Variants in PLCH1 observed in about 807,000 individuals in gnomAD.
PLCH1 encodes the protein 1-phosphatidylinositol 4,5-bisphosphate phosphodiesterase eta-1.
In PLCH1, 60 loss-of-function variants were observed where a neutral mutation model predicts 126.7. The ratio of observed to expected loss-of-function variants is 0.47; its 90% CI spans 0.38 to 0.59. The LOEUF is 0.59. Ranked by LOEUF, PLCH1 falls within the 20% of genes least tolerant of loss-of-function variation. PLCH1 has a pLI of 0.00. For missense variants in PLCH1, 1,723 were observed against 2,040.0 expected, an observed-to-expected ratio of 0.84 and a Z score of 2.99; for synonymous variants, 719 against 734.9, an observed-to-expected ratio of 0.98 and a Z score of 0.35.
chr3:155,585,287 C>T (rs771731166), intron 5 of PLCH1, among the ~76,000 whole-genome samples: 1 of 152,142 alleles, frequency 6.6e-6, no homozygotes, highest in Non-Finnish European at 1.5e-5. Context: ...CATTAAACAT[C>T]ATATTGCCCT....
At chr3:155,514,564 A>G (rs1339306407) in intron 12 of PLCH1, among the ~76,000 whole-genome samples, 159 bp downstream of exon 12, 3 of 152,206 alleles carry the variant, frequency 2.0e-5, no homozygotes. Flanking sequence ...ACTTTTAACT[A>G]TTTCTCATAT....
At chr3:155,546,564 A>G (rs1460900715) in intron 10 of PLCH1, among the ~76,000 whole-genome samples, 1 of 152,242 alleles carries the variant, frequency 6.6e-6, no homozygotes, top group Non-Finnish European at 1.5e-5. Flanking sequence ...GAACCAAAAA[A>G]GAGCCTGCAA....
chr3:155,600,590 G>A lies in PLCH1; in HGVS notation c.80-4212C>T, dbSNP rs552912389. Among the ~76,000 whole-genome samples the A allele has an allele frequency of 1.2e-4, 16 of 137,826 alleles. No individual in the cohort carries two copies. In the South Asian group the frequency reaches 3.3e-3, roughly 28 times the overall value. The allele number at this position is 137,826 out of a possible 152,430, so 90.4% of individuals were successfully genotyped here. On this transcript the variant is annotated intron_variant, in intron 2 of 22. Transcript: ENST00000460012. ...AATTCTACATTCTCCTTTATGGTAC[G>A]CTTAAGATAGCTAAAAAAAAAAAAA...
intron 10 of PLCH1, among the ~76,000 whole-genome samples, chr3:155,543,860 G>C (rs1724780782): frequency 6.6e-6 from 1 of 151,594 alleles, no homozygotes; most frequent in Admixed American, 6.6e-5. Context: ...TCACCACCAG[G>C]CCTGCCCTAA....
chr3:155,675,392 A>C (rs1355578925), intron 2 of PLCH1, among the ~76,000 whole-genome samples: 2 of 152,212 alleles, frequency 1.3e-5, no homozygotes, highest in Admixed American at 6.5e-5. Context: ...CTCCTAACTC[A>C]TACTTTAAGA....
chr3:155,629,095 T>C (rs1460890652), intron 2 of PLCH1, among the ~76,000 whole-genome samples: 1 of 152,234 alleles, frequency 6.6e-6, no homozygotes, highest in African/African-American at 2.4e-5. Flanking sequence ...AAGAGAATCG[T>C]GGTGAAGATT....
At chr3:155,571,047 T>G (rs1483978937) in intron 6 of PLCH1, among the ~76,000 whole-genome samples, 1 of 152,188 alleles carries the variant, frequency 6.6e-6, no homozygotes, top group African/African-American at 2.4e-5. Context: ...TTGTAGAAAC[T>G]AGTCATAGAT....
chr3:155,546,716 G>A (rs1725336366), intron 10 of PLCH1, among the ~76,000 whole-genome samples: 1 of 149,544 alleles, frequency 6.7e-6, no homozygotes, highest in African/African-American at 2.4e-5. Context: ...ACAGAACAGA[G>A]CCCTCAGAAA....
chr3:155,477,464 CAG>C (rs536809499), downstream of PLCH1, among the ~76,000 whole-genome samples: 60 of 152,074 alleles, frequency 3.9e-4, no homozygotes, highest in Middle Eastern at 6.8e-3. Context: ...AGACAACACA[CAG>C]AATGGGAGAA....
At chr3:155,602,010 G>A (rs1244348549) in intron 2 of PLCH1, among the ~76,000 whole-genome samples, 1 of 151,980 alleles carries the variant, frequency 6.6e-6, no homozygotes. Context: ...TGATGACTAT[G>A]TTGTTTCTTA....
At chr3:155,528,043 G>A (rs1204671710) in intron 10 of PLCH1, among the ~76,000 whole-genome samples, 2 of 151,530 alleles carry the variant, frequency 1.3e-5, no homozygotes, top group Non-Finnish European at 2.9e-5. Flanking sequence ...GGGCAACATG[G>A]TGAAACCTCA....
intron 8 of PLCH1, among the ~76,000 whole-genome samples, chr3:155,560,737 T>C (rs1294173472): frequency 6.6e-6 from 1 of 152,194 alleles, no homozygotes; most frequent in Non-Finnish European, 1.5e-5. Context: ...CTTTCCACCA[T>C]GCCTAGGAAA....
intron 7 of PLCH1, among the ~76,000 whole-genome samples, chr3:155,565,698 A>AT (rs869202446): frequency 0.027 from 2,710 of 98,624 alleles, 47 homozygotes; most frequent in Non-Finnish European, 0.04. Context: ...TATTTTATTT[A>AT]TTTATTTTTT....
chr3:155,609,620 G>A (rs1300783580), intron 2 of PLCH1, among the ~76,000 whole-genome samples: 1 of 151,980 alleles, frequency 6.6e-6, no homozygotes, highest in Non-Finnish European at 1.5e-5. Flanking sequence ...ACCAGAGAAA[G>A]GTGAAAAACA....
chr3:155,492,896 C>T (rs1485746528), intron 17 of PLCH1, 43 bp from the exon 18 acceptor site: 3 of 1,480,526 alleles, frequency 2.0e-6, no homozygotes, highest in Admixed American at 4.8e-5. Context: ...AGAAGAAACA[C>T]ACACGCATGC....
At chr3:155,568,423 A>G in intron 6 of PLCH1, 99 bp from the exon 7 acceptor site, 1 of 559,598 alleles carries the variant, frequency 1.8e-6, no homozygotes, top group Non-Finnish European at 3.2e-6. Context: ...TTCACACCGT[A>G]CAAAGTACCT....
At chr3:155,546,858 C>T (rs1708532315) in intron 10 of PLCH1, among the ~76,000 whole-genome samples, 3 of 145,360 alleles carry the variant, frequency 2.1e-5, no homozygotes, top group Admixed American at 7.0e-5. Context: ...GAAACTGGAT[C>T]CCTTCCTTAC....
At chr3:155,473,892 G>C (rs1486425918) in intron 21 of PLCH1, among the ~76,000 whole-genome samples, 1 of 151,764 alleles carries the variant, frequency 6.6e-6, no homozygotes, top group African/African-American at 2.4e-5. Context: ...GCTGAAACTG[G>C]ATCCCTTCCT....
At chr3:155,496,338 C>G (rs1717026481) in intron 15 of PLCH1, among the ~76,000 whole-genome samples, 1 of 152,066 alleles carries the variant, frequency 6.6e-6, no homozygotes, top group Admixed American at 6.5e-5. Context: ...TATTTTTGAG[C>G]TAAGGGCAAT....
Sources: allele counts gnomAD v4.1 joint callset (sites outside exome capture counted in the v4.1 genomes callset), GRCh38; gene constraint gnomAD v4.1.1; transcripts MANE v1.5; gene names NCBI Gene and HGNC (gene_info 2026-07-23, HGNC 2026-07-21).